Variants in NTN1 observed in about 807,000 individuals in gnomAD.
The protein encoded by NTN1 is netrin-1.
A neutral mutation model predicts 54.2 loss-of-function variants in NTN1; 11 were observed. The observed-to-expected ratio is 0.20, with a 90% confidence interval of 0.13 to 0.34. NTN1 has a LOEUF of 0.34. Ranked by LOEUF, NTN1 falls within the 10% of genes least tolerant of loss-of-function variation. The pLI, the probability that NTN1 is intolerant of heterozygous loss-of-function variation, is 1.00. For missense variants in NTN1, 740 were observed against 893.1 expected (o/e 0.83, Z 2.18); for synonymous variants, 371 against 382.0 (o/e 0.97, Z 0.33).
At chr17:9,117,033 A>C (rs554175368) in intron 2 of NTN1, among the ~76,000 whole-genome samples, 43 of 152,110 alleles carry the variant, frequency 2.8e-4, no homozygotes, top group African/African-American at 1.0e-3. Flanking sequence ...GAGGGCTGGG[A>C]TGGCCCCACT....
At chr17:9,120,414 G>T (rs2092228611) in intron 2 of NTN1, among the ~76,000 whole-genome samples, 1 of 152,158 alleles carries the variant, frequency 6.6e-6, no homozygotes, top group Admixed American at 6.5e-5. Flanking sequence ...GGATTTTGGG[G>T]GCCCTGCATA....
At chr17:9,050,988 G>T (rs1283457844) in intron 2 of NTN1, among the ~76,000 whole-genome samples, 2 of 152,138 alleles carry the variant, frequency 1.3e-5, no homozygotes, top group Middle Eastern at 3.2e-3. Flanking sequence ...TTTCAGCTTG[G>T]CAAGGAGCCA....
At chr17:9,229,656 G>A (rs138253488) in intron 6 of NTN1, among the ~76,000 whole-genome samples, 12 of 152,182 alleles carry the variant, frequency 7.9e-5, no homozygotes, top group Non-Finnish European at 1.8e-4. Context: ...AGGCGGGAGC[G>A]GGCACCGTGG....
chr17:9,233,564 C>G (rs1905886024), intron 6 of NTN1, among the ~76,000 whole-genome samples: 1 of 151,940 alleles, frequency 6.6e-6, no homozygotes. Flanking sequence ...GGCTCCTGGG[C>G]CCGGACTGGA....
intron 2 of NTN1, among the ~76,000 whole-genome samples, chr17:9,034,336 C>G (rs2091896665): frequency 6.6e-6 from 1 of 152,146 alleles, no homozygotes; most frequent in Non-Finnish European, 1.5e-5. Context: ...CCTTTATTAT[C>G]ACCATGTACT....
chr17:9,119,225 T>C (rs2092224657), intron 2 of NTN1, among the ~76,000 whole-genome samples: 1 of 152,180 alleles, frequency 6.6e-6, no homozygotes, highest in Non-Finnish European at 1.5e-5. Flanking sequence ...CTCACTCTTG[T>C]TCCTCAGGCT....
Position 9,221,272 on chromosome 17 carries a change from A to G in NTN1, c.1486+30A>G, listed in dbSNP as rs769122936. Reference sequence around the variant, plus strand: ...GTGAGAGTCCCCTTGTCTGGGGAGGATGGGAGGGGGCCACGTGACCAGCGA... The same window carrying G: ...GTGAGAGTCCCCTTGTCTGGGGAGGGTGGGAGGGGGCCACGTGACCAGCGA... On this transcript the variant is annotated intron_variant, in intron 6 of 6. Transcript: ENST00000173229. This position sits in a 1 kb window ranked among gnomAD's most constrained non-coding sequence, Gnocchi z 4.5. 1.3e-6 allele frequency: 2 copies of G among 1,571,508 alleles called. No individual in the cohort carries two copies. The highest frequency in any genetic ancestry group is 2.2e-5 in the South Asian group (2 of 90,224).
intron 2 of NTN1, among the ~76,000 whole-genome samples, chr17:9,149,904 T>C (rs2092322554): frequency 6.6e-6 from 1 of 151,638 alleles, no homozygotes; most frequent in Non-Finnish European, 1.5e-5. Flanking sequence ...CCATCTCTAC[T>C]AAAAATGCAA....
the NTN1 span, among the ~76,000 whole-genome samples, chr17:9,005,915 G>T: frequency 2.6e-5 from 4 of 152,224 alleles, no homozygotes; most frequent in African/African-American, 9.7e-5. Flanking sequence ...ACTGCACACT[G>T]CAGGCCCCAC....
intron 6 of NTN1, among the ~76,000 whole-genome samples, chr17:9,225,911 C>G (rs1235456953): frequency 1.3e-5 from 2 of 152,234 alleles, no homozygotes; most frequent in African/African-American, 4.8e-5. Flanking sequence ...GCCAGCAGCC[C>G]CGGACCCCCT....
intron 2 of NTN1, among the ~76,000 whole-genome samples, chr17:9,037,837 G>A (rs1400806217): frequency 6.6e-6 from 1 of 152,072 alleles, no homozygotes; most frequent in Non-Finnish European, 1.5e-5. Flanking sequence ...AGCCTCCCTG[G>A]TCTCTTCTTA....
intron 2 of NTN1, among the ~76,000 whole-genome samples, chr17:9,161,756 C>T (rs554842139): frequency 9.2e-5 from 14 of 152,214 alleles, no homozygotes; most frequent in African/African-American, 1.7e-4. Context: ...CCAGCCTGGG[C>T]GACAGAGAAA....
At chr17:9,038,874 C>T (rs1401800552) in intron 2 of NTN1, among the ~76,000 whole-genome samples, 1 of 152,218 alleles carries the variant, frequency 6.6e-6, no homozygotes, top group South Asian at 2.1e-4. Context: ...CTCAGTCCAC[C>T]TTGTTGCCAG....
At chr17:9,196,599 G>A (rs140286435) in intron 5 of NTN1, among the ~76,000 whole-genome samples, 1 of 152,254 alleles carries the variant, frequency 6.6e-6, no homozygotes, top group East Asian at 1.9e-4. Flanking sequence ...GCCATCCAGG[G>A]CAGGGCTTCA....
chr17:9,207,458 G>A (rs941122654), intron 5 of NTN1, among the ~76,000 whole-genome samples: 5 of 152,138 alleles, frequency 3.3e-5, no homozygotes, highest in Non-Finnish European at 5.9e-5. Context: ...GCTTCATCTC[G>A]CTGGAACTTT....
chr17:9,111,622 G>GT (rs541519228), intron 2 of NTN1, among the ~76,000 whole-genome samples: 65 of 152,216 alleles, frequency 4.3e-4, no homozygotes, highest in African/African-American at 1.5e-3. Flanking sequence ...CCCCCAAAAC[G>GT]TAACTACTAA....
At position 9,222,910 on chromosome 17, in the gene NTN1, T is replaced by C. The variant is rs1221316917; in HGVS notation, c.1486+1668T>C. ...TGTGTGTGTGTGTATGTGAGAGAGTTCATACGCACACTCCCTACGCACACA... is the reference window on the plus strand; with the variant it reads ...TGTGTGTGTGTGTATGTGAGAGAGTCCATACGCACACTCCCTACGCACACA... On this transcript the variant is annotated intron_variant, in intron 6 of 6. Coordinates refer to ENST00000173229, the MANE Select transcript of NTN1 (RefSeq NM_004822.3). Among the ~76,000 whole-genome samples the C allele has an allele frequency of 2.0e-5, 3 of 152,100 alleles. No homozygotes were observed. In the East Asian group the frequency reaches 5.8e-4, roughly 29 times the overall value.
chr17:9,100,519 T>A (rs1055845291), intron 2 of NTN1, among the ~76,000 whole-genome samples: 7 of 152,068 alleles, frequency 4.6e-5, no homozygotes, highest in African/African-American at 1.7e-4. Context: ...GCCAGGATGG[T>A]CTCGATCGCT....
chr17:9,003,326 CG>C, the NTN1 span, among the ~76,000 whole-genome samples: 7 of 151,760 alleles, frequency 4.6e-5, no homozygotes, highest in Non-Finnish European at 8.8e-5. The surrounding 1 kb of genome is among the most constrained non-coding windows in gnomAD (Gnocchi z 7.4). Context: ...GGCCGCGGGC[CG>C]GGGCCGTCTG....
Sources: gnomAD v4.1 joint callset for allele counts (sites outside exome capture counted in the v4.1 genomes callset) on GRCh38, gnomAD v4.1.1 for gene constraint, Gnocchi (gnomAD v3.1) non-coding constraint, MANE v1.5 for transcripts, NCBI Gene and HGNC (gene_info 2026-07-23, HGNC 2026-07-21) for gene names.